The following RAB6B variants were observed in gnomAD, a reference collection of about 807,000 sequenced individuals.
RAB6B encodes RAB6B, member RAS oncogene family.
Under a neutral mutation model 31.2 loss-of-function variants are expected in RAB6B, and 7 were observed. That is an observed-to-expected ratio of 0.22 (90% CI 0.13 to 0.42). The LOEUF (loss-of-function observed/expected upper bound fraction) is 0.42, where lower values mean the gene tolerates loss of function less well. Among genes scored for constraint, RAB6B ranks in the 10% least tolerant of loss-of-function variants. The probability of loss-of-function intolerance (pLI) is 1.00; values close to 1 mark genes in which losing one functional copy is unlikely to be tolerated. For missense variants in RAB6B, 149 were observed against 280.6 expected (o/e 0.53, Z 3.35); for synonymous variants, 105 against 104.9 (o/e 1.00, Z -0.01).
intron 2 of RAB6B, among the ~76,000 whole-genome samples, chr3:133,842,978 T>C (rs1043095918): frequency 6.6e-6 from 1 of 152,192 alleles, no homozygotes; most frequent in African/African-American, 2.4e-5. Context: ...ATAGAAAAGG[T>C]CATATCTCCA....
At chr3:133,875,700 T>C (rs1480723821) in intron 1 of RAB6B, among the ~76,000 whole-genome samples, 1 of 152,120 alleles carries the variant, frequency 6.6e-6, no homozygotes, top group Non-Finnish European at 1.5e-5. Context: ...TGACTTGAGA[T>C]TTCTTCTTGT....
At chr3:133,891,771 A>G (rs1322856581) in intron 1 of RAB6B, among the ~76,000 whole-genome samples, 2 of 152,204 alleles carry the variant, frequency 1.3e-5, no homozygotes. Context: ...AGCTCCAAGG[A>G]ATGCTATTCA....
At chr3:133,890,529 C>T (rs752679152) in intron 1 of RAB6B, among the ~76,000 whole-genome samples, 2 of 152,062 alleles carry the variant, frequency 1.3e-5, no homozygotes, top group Non-Finnish European at 2.9e-5. Flanking sequence ...TGCTTGAACC[C>T]GGGAGGCGGA....
chr3:133,884,923 T>A (rs1207070675), intron 1 of RAB6B, among the ~76,000 whole-genome samples: 1 of 99,832 alleles, frequency 1.0e-5, no homozygotes, highest in Non-Finnish European at 1.8e-5. Flanking sequence ...TATATCCCAA[T>A]AACCAGAGGA....
At chr3:133,843,469 T>C (rs913068554) in intron 2 of RAB6B, among the ~76,000 whole-genome samples, 1 of 152,198 alleles carries the variant, frequency 6.6e-6, no homozygotes, top group African/African-American at 2.4e-5. Flanking sequence ...TATGGAGAAA[T>C]GTGCATAGCA....
intron 6 of RAB6B, among the ~76,000 whole-genome samples, chr3:133,837,747 C>T (rs909957999): frequency 1.3e-5 from 2 of 152,214 alleles, no homozygotes; most frequent in African/African-American, 4.8e-5. Context: ...CCCTCCACAG[C>T]CCTGAGCACT....
At chr3:133,855,352 C>A (rs1364702415) in intron 2 of RAB6B, among the ~76,000 whole-genome samples, 2 of 152,230 alleles carry the variant, frequency 1.3e-5, no homozygotes, top group African/African-American at 4.8e-5. Context: ...CTTCCAGATA[C>A]CTCAGTTTCA....
intron 2 of RAB6B, among the ~76,000 whole-genome samples, chr3:133,851,181 G>T (rs1358309917): frequency 6.6e-6 from 1 of 152,206 alleles, no homozygotes; most frequent in Non-Finnish European, 1.5e-5. Flanking sequence ...CAGGCTGACA[G>T]GAAAATATAC....
intron 2 of RAB6B, among the ~76,000 whole-genome samples, chr3:133,859,840 C>T (rs1255925710): frequency 1.3e-5 from 2 of 152,180 alleles, no homozygotes; most frequent in Non-Finnish European, 2.9e-5. Flanking sequence ...AAGTGGCCTG[C>T]AGACACAATG....
rs1559896877 is a variant in RAB6B at position 133,827,698 on chromosome 3, G to A, written c.*1090C>T. The A allele has an allele frequency of 5.1e-6, 3 of 585,792 alleles. No homozygotes were observed. The highest frequency in any genetic ancestry group is 3.0e-6 in the Non-Finnish European group (1 of 329,602). 36.3% of individuals were successfully genotyped at this position (585,792 alleles called of 1,614,324 possible). ...AAAGCACTCAACAATATTAGCAGCTGAGGCTCTAAGAACATGGATCTTTCA... is the reference window on the plus strand; with the variant it reads ...AAAGCACTCAACAATATTAGCAGCTAAGGCTCTAAGAACATGGATCTTTCA... On this transcript the variant is annotated 3_prime_UTR_variant, in exon 8 of 8. Transcript: ENST00000285208.
intron 2 of RAB6B, among the ~76,000 whole-genome samples, chr3:133,857,294 G>A (rs1372212197): frequency 6.6e-6 from 1 of 151,928 alleles, no homozygotes. Context: ...GGTGATAGAC[G>A]GGCTAAATTC....
intron 6 of RAB6B, among the ~76,000 whole-genome samples, 197 bp from the exon 7 acceptor site, chr3:133,834,838 C>T (rs567015562): frequency 6.6e-6 from 1 of 152,308 alleles, no homozygotes. Flanking sequence ...TGGGTCTGGG[C>T]AGGCCTCAGT....
intron 2 of RAB6B, among the ~76,000 whole-genome samples, chr3:133,862,192 C>T (rs968871558): frequency 6.6e-6 from 1 of 151,890 alleles, no homozygotes; most frequent in African/African-American, 2.4e-5. Context: ...TTTCTCTCCT[C>T]TTGTCACCAC....
rs1302800793 is a variant in RAB6B at position 133,826,236 on chromosome 3, G to A, written c.*2552C>T. 6.6e-6 allele frequency: 1 copy of A among 152,204 alleles called. No homozygotes were observed. Among genetic ancestry groups the A allele is most frequent in the African/African-American group, 2.4e-5 (1 of 41,432 alleles). The allele number at this position is 152,204 out of a possible 1,614,324, so 9.4% of individuals were successfully genotyped here. A position where few individuals can be genotyped will look rare whatever the true frequency, so the allele number is the denominator to read the frequency against. On this transcript the variant is annotated 3_prime_UTR_variant, in exon 8 of 8. Transcript: ENST00000285208. ...GAGAACCCAAACTCAAAGAGAGGAT[G>A]TTGTGTGCATGCTAGGAAAGGCAGG...
rs1308254770 is a variant in RAB6B, at chr3:133,827,542, G to GAT, written c.*1245_*1246insAT. 2.1e-5 allele frequency: 5 copies of GAT among 238,036 alleles called. No homozygotes were observed. The South Asian group carries it at 4.2e-4, about 20-fold the overall frequency. The allele number at this position is 238,036 out of a possible 1,614,324, so 14.7% of individuals were successfully genotyped here. A position where few individuals can be genotyped will look rare whatever the true frequency, so the allele number is the denominator to read the frequency against. On this transcript the variant is annotated 3_prime_UTR_variant, in exon 8 of 8. Coordinates refer to ENST00000285208, the MANE Select transcript of RAB6B (RefSeq NM_016577.4). ...GCTCTCTGGGGGCAAGCAGCCTTCT[G>GAT]GAGACCCCACCTGAACCACATCCTC...
chr3:133,836,769 G>C (rs1433497094), intron 6 of RAB6B, among the ~76,000 whole-genome samples: 1 of 152,172 alleles, frequency 6.6e-6, no homozygotes, highest in Non-Finnish European at 1.5e-5. Flanking sequence ...CACACCAAGG[G>C]AGGCTGGGAA....
At chr3:133,836,940 T>G (rs947648370) in intron 6 of RAB6B, among the ~76,000 whole-genome samples, 1 of 152,150 alleles carries the variant, frequency 6.6e-6, no homozygotes, top group African/African-American at 2.4e-5. Flanking sequence ...ACCAGCACTG[T>G]CCACACAGGG....
chr3:133,889,737 C>T (rs961051205), intron 1 of RAB6B, among the ~76,000 whole-genome samples: 1 of 152,066 alleles, frequency 6.6e-6, no homozygotes, highest in African/African-American at 2.4e-5. Context: ...AGCCACCACG[C>T]CCAGCCTTAT....
chr3:133,831,215 G>A (rs919966539), intron 7 of RAB6B, among the ~76,000 whole-genome samples: 1 of 152,198 alleles, frequency 6.6e-6, no homozygotes, highest in African/African-American at 2.4e-5. Context: ...GTCCTACCTT[G>A]GTAGATGTGG....
Sources: gnomAD v4.1 joint callset for allele counts (sites outside exome capture counted in the v4.1 genomes callset) on GRCh38, gnomAD v4.1.1 for gene constraint, MANE v1.5 for transcripts, NCBI Gene and HGNC (gene_info 2026-07-23, HGNC 2026-07-21) for gene names.